The following DNAH12 variants were observed in gnomAD, a reference collection of about 807,000 sequenced individuals.
DNAH12 encodes the protein dynein axonemal heavy chain 12.
Under a neutral mutation model 371.5 loss-of-function variants are expected in DNAH12, and 285 were observed. The observed-to-expected ratio is 0.77, with a 90% CI of 0.70 to 0.85. The LOEUF is 0.85. Among genes scored for constraint, DNAH12 ranks in the 40% least tolerant of loss-of-function variants. The pLI is 0.00. For synonymous variants in DNAH12, 1,200 were observed against 1,213.0 expected (o/e 0.99, Z 0.22); for missense variants, 3,611 against 3,689.4 (o/e 0.98, Z 0.55).
intron 69 of DNAH12, among the ~76,000 whole-genome samples, chr3:57,306,874 A>G (rs963078434): frequency 8.5e-5 from 13 of 152,238 alleles, no homozygotes; most frequent in South Asian, 2.1e-4. Flanking sequence ...TGCCAAACCC[A>G]TATACTCTCC....
intron 44 of DNAH12, among the ~76,000 whole-genome samples, chr3:57,393,747 A>C (rs1468007952): frequency 6.6e-6 from 1 of 152,126 alleles, no homozygotes; most frequent in African/African-American, 2.4e-5. Flanking sequence ...TTAAATCACA[A>C]ACAAGACTTT....
Position 57,452,983 on chromosome 3 carries a change from CAAGCCACAGGA to C in DNAH12, c.3635_3645del (p.Phe1212CysfsTer10). 1 of 1,538,212 alleles carries C rather than the reference CAAGCCACAGGA, an allele frequency of 6.5e-7. No homozygotes were observed. Among genetic ancestry groups the C allele is most frequent in the African/African-American group, 1.4e-5 (1 of 72,912 alleles). ...TTTTCCCAATAATATCGGAGCTGAG[CAAGCCACAGGA>C]AATCTGTATCATGTGAGACACCTAG... On this transcript the variant is annotated frameshift_variant, in exon 25 of 74. Coordinates refer to ENST00000495027, the MANE Select transcript of DNAH12 (RefSeq NM_001366028.2). LOFTEE classifies it high-confidence loss of function.
intron 3 of DNAH12, 40 bp from the exon 4 acceptor site, chr3:57,523,649 C>T (rs1344166687): frequency 1.4e-6 from 2 of 1,448,392 alleles, no homozygotes; most frequent in Non-Finnish European, 1.8e-6. Context: ...TCAAGGAGAA[C>T]ATTTTAAAAT....
At chr3:57,530,380 A>T (rs2068799301) in intron 2 of DNAH12, 1 of 516,474 alleles carries the variant, frequency 1.9e-6, no homozygotes, top group East Asian at 3.0e-5. Flanking sequence ...TTCCAAAGAT[A>T]AAACTCCAAC....
At chr3:57,341,283 A>G (rs527602639) in intron 60 of DNAH12, among the ~76,000 whole-genome samples, 4 of 149,892 alleles carry the variant, frequency 2.7e-5, no homozygotes, top group East Asian at 2.0e-4. Flanking sequence ...AATGAAGGGC[A>G]TTCAAATTAG....
At chr3:57,441,891 G>A (rs76938035) in intron 29 of DNAH12, among the ~76,000 whole-genome samples, 2,593 of 151,966 alleles carry the variant, frequency 0.017, 66 homozygotes, top group African/African-American at 0.059. Context: ...AACAAAACTA[G>A]GCACATAGTC....
At chr3:57,327,109 T>C (rs1178039043) in intron 62 of DNAH12, among the ~76,000 whole-genome samples, 2 of 151,858 alleles carry the variant, frequency 1.3e-5, no homozygotes, top group African/African-American at 2.4e-5. Context: ...ACAATAATAA[T>C]GGGAGACTTT....
At chr3:57,434,870 A>G (rs953332519) in intron 30 of DNAH12, among the ~76,000 whole-genome samples, 30 of 152,310 alleles carry the variant, frequency 2.0e-4, no homozygotes, top group African/African-American at 6.0e-4. Context: ...AAATGAGCCC[A>G]GAAAAAAACA....
At chr3:57,318,090 G>T (rs952415892) in intron 65 of DNAH12, among the ~76,000 whole-genome samples, 1 of 152,068 alleles carries the variant, frequency 6.6e-6, no homozygotes, top group African/African-American at 2.4e-5. Flanking sequence ...TATATGGTTT[G>T]CAAATAATTT....
chr3:57,425,283 T>TCCCATGGGATCCA, intron 34 of DNAH12, 142 bp from the exon 35 acceptor site: 1 of 580,274 alleles, frequency 1.7e-6, no homozygotes, highest in South Asian at 2.1e-5. Flanking sequence ...GATCTCACTC[T>TCCCATGGGATCCA]GTCATCCAGG....
chr3:57,382,785 G>T (rs888545278), intron 49 of DNAH12, among the ~76,000 whole-genome samples: 71 of 152,260 alleles, frequency 4.7e-4, no homozygotes, highest in African/African-American at 1.6e-3. Context: ...TATTGAAGAA[G>T]ATGAAAGAAG....
chr3:57,321,894 C>T (rs34129973), intron 65 of DNAH12, among the ~76,000 whole-genome samples: 3,115 of 152,212 alleles, frequency 0.02, 50 homozygotes, highest in Middle Eastern at 0.048. Context: ...TACGAAAAAG[C>T]ACTATTAATA....
At position 57,446,282 on chromosome 3, in the gene DNAH12, G is replaced by C; in HGVS notation, c.3940-12C>G. Reference sequence around the variant, plus strand: ...AGTCCTTTAAAAAACTAAGGACAAAGAAAAAGGAAAGTGATTTTTTTCTCA... The same window carrying C: ...AGTCCTTTAAAAAACTAAGGACAAACAAAAAGGAAAGTGATTTTTTTCTCA... On this transcript the variant is annotated splice_polypyrimidine_tract_variant and intron_variant, in intron 26 of 73. Coordinates refer to ENST00000495027, the MANE Select transcript of DNAH12 (RefSeq NM_001366028.2). 1 of 1,541,378 alleles carries C rather than the reference G, an allele frequency of 6.5e-7. No individual in the cohort carries two copies. Among genetic ancestry groups the C allele is most frequent in the Non-Finnish European group, 8.8e-7 (1 of 1,141,906 alleles).
chr3:57,514,422 CA>C (rs1020503421), intron 4 of DNAH12, among the ~76,000 whole-genome samples: 1 of 148,258 alleles, frequency 6.7e-6, no homozygotes, highest in Admixed American at 6.7e-5. Context: ...AATAAATAAA[CA>C]AAAAAAAGCA....
At chr3:57,402,959 A>AT (rs782086309) in intron 43 of DNAH12, among the ~76,000 whole-genome samples, 14 of 152,152 alleles carry the variant, frequency 9.2e-5, no homozygotes, top group East Asian at 3.8e-4. Context: ...ATACATCAAT[A>AT]TTTTTTTAAA....
intron 44 of DNAH12, among the ~76,000 whole-genome samples, chr3:57,392,601 AAAAC>A (rs2063648238): frequency 6.6e-6 from 1 of 152,122 alleles, no homozygotes; most frequent in South Asian, 2.1e-4. Context: ...AACAAAAACA[AAAAC>A]AAACAACAAA....
At position 57,309,263 on chromosome 3, in the gene DNAH12, A is replaced by T. The variant is rs927254553; in HGVS notation, c.11086-9T>A. 3 of 1,532,810 alleles carry T rather than the reference A, an allele frequency of 2.0e-6. No homozygotes were observed. The highest frequency in any genetic ancestry group is 2.6e-6 in the Non-Finnish European group (3 of 1,140,590). 95.0% of individuals were successfully genotyped at this position (1,532,810 alleles called of 1,614,324 possible). On this transcript the variant is annotated splice_polypyrimidine_tract_variant and intron_variant, in intron 68 of 73. Transcript: ENST00000495027. ...TCGAAATCACTAGGGAGCTAAAAGA[A>T]TAGATTTTGAAGATCACAAATTATT...
intron 11 of DNAH12, among the ~76,000 whole-genome samples, chr3:57,495,974 C>T (rs992380175): frequency 2.2e-5 from 3 of 138,078 alleles, no homozygotes; most frequent in South Asian, 4.4e-4. Flanking sequence ...ATATTTTAAT[C>T]CCTGATTTTA....
In DNAH12 at chr3:57,471,421, T is replaced by C. The variant is rs72869852; in HGVS notation, c.1911+51A>G. The stretch of plus-strand genomic sequence containing the variant: ...CTTTTAAATTTATGTTAACATGTCC[T>C]ATATGACTCTATGGGCTGGCCATAG... On this transcript the variant is annotated intron_variant, in intron 15 of 73. Transcript: ENST00000495027. 2,217 of 1,462,002 alleles carry C rather than the reference T, an allele frequency of 1.5e-3. 21 individuals carry two copies. The African/African-American group carries it at 0.027, about 18-fold the overall frequency. 90.6% of individuals were successfully genotyped at this position (1,462,002 alleles called of 1,614,324 possible).
Sources: gnomAD v4.1 joint callset for allele counts (sites outside exome capture counted in the v4.1 genomes callset) on GRCh38, gnomAD v4.1.1 for gene constraint, MANE v1.5 for transcripts, NCBI Gene and HGNC (gene_info 2026-07-23, HGNC 2026-07-21) for gene names.